PBX4: variants seen among roughly 807,000 people sequenced by gnomAD.
PBX4 encodes pre-B-cell leukemia transcription factor 4.
In PBX4, 26 loss-of-function variants were observed where a neutral mutation model predicts 35.1. That is an observed-to-expected ratio of 0.74 (90% CI 0.54 to 1.03). The LOEUF is 1.03. Among genes scored for constraint, PBX4 ranks in the 50% least tolerant of loss-of-function variants. The pLI is 0.00. For synonymous variants in PBX4, 199 were observed against 204.2 expected, an observed-to-expected ratio of 0.97 and a Z score of 0.22; for missense variants, 448 against 504.3, an observed-to-expected ratio of 0.89 and a Z score of 1.07.
intron 2 of PBX4, among the ~76,000 whole-genome samples, chr19:19,591,526 A>G (rs1052209302): frequency 1.3e-5 from 2 of 152,246 alleles, no homozygotes; most frequent in Admixed American, 6.5e-5. Context: ...GCAGCACAAC[A>G]GCCCTGGCTG....
intron 1 of PBX4, among the ~76,000 whole-genome samples, chr19:19,612,153 A>G (rs986617778): frequency 6.6e-6 from 1 of 151,630 alleles, no homozygotes; most frequent in Non-Finnish European, 1.5e-5. Context: ...ACCTGTACAC[A>G]CCTGTAATCC....
intron 2 of PBX4, among the ~76,000 whole-genome samples, chr19:19,591,119 G>GAATA (rs2061525501): frequency 6.6e-6 from 1 of 152,156 alleles, no homozygotes; most frequent in Admixed American, 6.6e-5. Context: ...TCAACCTGGA[G>GAATA]AATAAGTCCC....
chr19:19,565,689 G>A (rs903858955), intron 5 of PBX4, among the ~76,000 whole-genome samples: 2 of 152,094 alleles, frequency 1.3e-5, no homozygotes, highest in African/African-American at 4.8e-5. Flanking sequence ...AGGCTGAGGT[G>A]GGGGGATCAT....
intron 1 of PBX4, among the ~76,000 whole-genome samples, chr19:19,612,523 C>G (rs1411985715): frequency 6.6e-6 from 1 of 152,108 alleles, no homozygotes; most frequent in African/African-American, 2.4e-5. Context: ...TCAGAAGAGA[C>G]AATCTGCTTC....
chr19:19,613,311 T>C (rs2061672400), intron 1 of PBX4, among the ~76,000 whole-genome samples: 1 of 149,728 alleles, frequency 6.7e-6, no homozygotes, highest in African/African-American at 2.4e-5. Context: ...ACTAAAAAAA[T>C]ACCAAAATTA....
chr19:19,607,895 A>G (rs779619327), intron 1 of PBX4, among the ~76,000 whole-genome samples: 3 of 152,202 alleles, frequency 2.0e-5, no homozygotes, highest in Admixed American at 2.0e-4. Flanking sequence ...GAAAGCAACA[A>G]TGATTCTAAC....
intron 2 of PBX4, among the ~76,000 whole-genome samples, chr19:19,574,871 G>A (rs750021982): frequency 3.3e-5 from 5 of 151,940 alleles, no homozygotes; most frequent in Admixed American, 2.0e-4. Context: ...TTTTAGTAGA[G>A]ACGGGGTTTC....
At chr19:19,584,728 C>T (rs950822604) in intron 2 of PBX4, among the ~76,000 whole-genome samples, 9 of 150,548 alleles carry the variant, frequency 6.0e-5, no homozygotes, top group South Asian at 2.1e-4. Context: ...AGGGTTCAAG[C>T]GATTCTCCTG....
Position 19,605,680 on chromosome 19 carries a change from G to T in PBX4, c.120-6315C>A, listed in dbSNP as rs537940739. ...AGACGGGTTCTCCCTATGTTGTCCAGACTGGTCTCAAACTCTTGGGCTCAA... is the reference window on the plus strand; with the variant it reads ...AGACGGGTTCTCCCTATGTTGTCCATACTGGTCTCAAACTCTTGGGCTCAA... On this transcript the variant is annotated intron_variant, in intron 1 of 7. Transcript: ENST00000251203. Among the ~76,000 whole-genome samples, 5 of 151,806 alleles carry T rather than the reference G, an allele frequency of 3.3e-5. No individual in the cohort carries two copies. In the South Asian group the frequency reaches 1.0e-3, roughly 32 times the overall value.
chr19:19,616,601 G>C (rs1340877947), intron 1 of PBX4, among the ~76,000 whole-genome samples: 1 of 152,012 alleles, frequency 6.6e-6, no homozygotes, highest in South Asian at 2.1e-4. Context: ...ACAGGTGTCA[G>C]CCACTGTGCC....
intron 2 of PBX4, among the ~76,000 whole-genome samples, chr19:19,596,297 G>T (rs2061560509): frequency 6.6e-6 from 1 of 151,912 alleles, no homozygotes; most frequent in African/African-American, 2.4e-5. Flanking sequence ...GCTGAGGCAG[G>T]AGAAATGCTT....
At chr19:19,593,115 G>A (rs1359314850) in intron 2 of PBX4, among the ~76,000 whole-genome samples, 1 of 152,224 alleles carries the variant, frequency 6.6e-6, no homozygotes, top group African/African-American at 2.4e-5. Flanking sequence ...TGTTGTTGTA[G>A]AGACAGGGTC....
chr19:19,576,528 A>G (rs1383899348), intron 2 of PBX4, among the ~76,000 whole-genome samples: 1 of 151,966 alleles, frequency 6.6e-6, no homozygotes, highest in Non-Finnish European at 1.5e-5. Flanking sequence ...CTGGCCAAAA[A>G]AAAAAATTTT....
At chr19:19,565,692 G>A (rs1034214228) in intron 5 of PBX4, among the ~76,000 whole-genome samples, 2 of 151,966 alleles carry the variant, frequency 1.3e-5, no homozygotes, top group African/African-American at 4.8e-5. Context: ...CTGAGGTGGG[G>A]GGATCATCTG....
Position 19,562,312 on chromosome 19 carries a change from T to C in PBX4, c.1033-195A>G, listed in dbSNP as rs189501324. Among the ~76,000 whole-genome samples, 97 of 152,278 alleles carry C rather than the reference T, an allele frequency of 6.4e-4. 1 individual carries two copies. In the East Asian group the frequency reaches 0.016, roughly 25 times the overall value. On this transcript the variant is annotated intron_variant, in intron 7 of 7. Coordinates refer to ENST00000251203, the MANE Select transcript of PBX4 (RefSeq NM_025245.3). The surrounding 1 kb of genome is among the most constrained non-coding windows in gnomAD (Gnocchi z 4.8). The stretch of plus-strand genomic sequence containing the variant: ...TCACAGCTGGCCTTGCCACCTGACA[T>C]GGGACATGGACGAGCTTCCCCGGCA...
At chr19:19,610,358 A>G (rs888194865) in intron 1 of PBX4, among the ~76,000 whole-genome samples, 2 of 152,186 alleles carry the variant, frequency 1.3e-5, no homozygotes, top group Non-Finnish European at 2.9e-5. Context: ...GGTTGCGGTG[A>G]GCAGAGATTG....
chr19:19,578,308 G>A (rs2061432951), intron 2 of PBX4, among the ~76,000 whole-genome samples: 1 of 152,176 alleles, frequency 6.6e-6, no homozygotes, highest in Non-Finnish European at 1.5e-5. Context: ...TCCATGCTGG[G>A]GACATCTGCC....
intron 1 of PBX4, among the ~76,000 whole-genome samples, chr19:19,605,279 G>A (rs926218759): frequency 6.6e-6 from 1 of 151,246 alleles, no homozygotes; most frequent in Non-Finnish European, 1.5e-5. Context: ...AGCTGGGCAT[G>A]GTGGCGCGCA....
chr19:19,588,165 A>G, intron 2 of PBX4: 1 of 1,203,296 alleles, frequency 8.3e-7, no homozygotes, highest in Non-Finnish European at 1.2e-6. Flanking sequence ...ATCTTCAGGC[A>G]GCCATCCCTA....
Sources: allele counts gnomAD v4.1 joint callset (sites outside exome capture counted in the v4.1 genomes callset), GRCh38; gene constraint gnomAD v4.1.1; non-coding constraint Gnocchi (gnomAD v3.1); transcripts MANE v1.5; gene names NCBI Gene and HGNC (gene_info 2026-07-23, HGNC 2026-07-21).